The following PARD3 variants were observed in gnomAD, a reference collection of about 807,000 sequenced individuals.
The protein encoded by PARD3 is partitioning defective 3 homolog.
In PARD3, 75 loss-of-function variants were observed where a neutral mutation model predicts 155.4. The observed-to-expected ratio is 0.48, with a 90% confidence interval of 0.40 to 0.58. The LOEUF is 0.58. Among genes scored for constraint, PARD3 ranks in the 20% least tolerant of loss-of-function variants. PARD3 has a pLI of 0.00. For missense variants in PARD3, 1,642 were observed against 1,721.7 expected, an observed-to-expected ratio of 0.95 and a Z score of 0.82; for synonymous variants, 576 against 610.5, an observed-to-expected ratio of 0.94 and a Z score of 0.83.
intron 22 of PARD3, among the ~76,000 whole-genome samples, chr10:34,138,649 G>A (rs1948025587): frequency 6.6e-6 from 1 of 152,162 alleles, no homozygotes; most frequent in African/African-American, 2.4e-5. Context: ...CAAGAGCTCA[G>A]GACTTAAAAG....
intron 3 of PARD3, among the ~76,000 whole-genome samples, chr10:34,499,216 C>A (rs921819087): frequency 6.6e-6 from 1 of 151,976 alleles, no homozygotes; most frequent in Non-Finnish European, 1.5e-5. Context: ...AGCAATAAAG[C>A]TTTGTTCTTA....
chr10:34,373,348 A>T (rs1840889187), intron 11 of PARD3, among the ~76,000 whole-genome samples: 1 of 152,016 alleles, frequency 6.6e-6, no homozygotes, highest in African/African-American at 2.4e-5. Flanking sequence ...AGCCTGGAAG[A>T]TCAAAATTGG....
intron 1 of PARD3, among the ~76,000 whole-genome samples, chr10:34,734,528 C>T (rs564656635): frequency 2.4e-4 from 37 of 151,756 alleles, no homozygotes; most frequent in African/African-American, 8.2e-4. Flanking sequence ...TTAGTAGAGA[C>T]GGGGTTTCAC....
At chr10:34,471,136 A>G (rs1354750787) in intron 3 of PARD3, among the ~76,000 whole-genome samples, 1 of 152,236 alleles carries the variant, frequency 6.6e-6, no homozygotes, top group Non-Finnish European at 1.5e-5. Flanking sequence ...ATTTATACTT[A>G]AGACAGAAAA....
intron 1 of PARD3, among the ~76,000 whole-genome samples, chr10:34,704,715 T>G (rs2094336886): frequency 6.6e-6 from 1 of 152,186 alleles, no homozygotes. Flanking sequence ...AGTAGTGCTA[T>G]CTGATCATGT....
intron 24 of PARD3, 29 bp from the exon 25 acceptor site, chr10:34,111,591 G>A (rs1438527517): frequency 6.4e-7 from 1 of 1,561,756 alleles, no homozygotes; most frequent in Non-Finnish European, 8.7e-7. Flanking sequence ...AGGTTAGTGT[G>A]AGGGTAGGAA....
At chr10:34,623,800 T>C (rs994516654) in intron 2 of PARD3, among the ~76,000 whole-genome samples, 1 of 149,688 alleles carries the variant, frequency 6.7e-6, no homozygotes, top group Non-Finnish European at 1.5e-5. Flanking sequence ...GCTAACACGG[T>C]GAAACCCTGA....
chr10:34,207,181 C>T (rs1232058368), intron 22 of PARD3, among the ~76,000 whole-genome samples: 4 of 152,212 alleles, frequency 2.6e-5, no homozygotes, highest in Non-Finnish European at 5.9e-5. Context: ...TCAAATACTT[C>T]CTCCTTTATC....
intron 6 of PARD3, among the ~76,000 whole-genome samples, chr10:34,401,221 A>G (rs550575165): frequency 1.3e-5 from 2 of 152,264 alleles, no homozygotes; most frequent in East Asian, 3.9e-4. Context: ...CCATTTACAC[A>G]TGTCAATATT....
At chr10:34,314,414 T>A (rs1957879886) in intron 20 of PARD3, among the ~76,000 whole-genome samples, 1 of 152,232 alleles carries the variant, frequency 6.6e-6, no homozygotes, top group Non-Finnish European at 1.5e-5. Context: ...TCGTGTTTAA[T>A]ATATTATTCT....
intron 5 of PARD3, 135 bp downstream of exon 5, chr10:34,450,182 G>C (rs2076982772): frequency 1.3e-6 from 1 of 752,340 alleles, no homozygotes; most frequent in African/African-American, 1.8e-5. Flanking sequence ...CTGACATAGA[G>C]ATTGGTACTT....
At chr10:34,470,480 G>A (rs2078278775) in intron 3 of PARD3, among the ~76,000 whole-genome samples, 1 of 152,176 alleles carries the variant, frequency 6.6e-6, no homozygotes, top group African/African-American at 2.4e-5. Flanking sequence ...GAGCAAAATG[G>A]CCCAGGTTTG....
chr10:34,203,906 G>A lies in PARD3; in HGVS notation c.3419+65751C>T, dbSNP rs1951337747. Among the ~76,000 whole-genome samples the A allele has an allele frequency of 2.0e-5, 3 of 152,242 alleles. No individual in the cohort carries two copies. In the South Asian group the frequency reaches 6.2e-4, roughly 32 times the overall value. On this transcript the variant is annotated intron_variant, in intron 22 of 24. Transcript: ENST00000374788. ...GACATTTTGTTCATGTGCAAGGGAA[G>A]TTTGGGAGATATCTAATGTCTTTCA...
chr10:34,627,410 T>C (rs1419047348), intron 2 of PARD3, among the ~76,000 whole-genome samples: 1 of 152,216 alleles, frequency 6.6e-6, no homozygotes, highest in Non-Finnish European at 1.5e-5. Flanking sequence ...TGTCAGAATG[T>C]GACCTTACTT....
intron 22 of PARD3, among the ~76,000 whole-genome samples, chr10:34,195,020 A>G (rs1242451098): frequency 6.6e-6 from 1 of 152,238 alleles, no homozygotes; most frequent in Non-Finnish European, 1.5e-5. Flanking sequence ...CTCAAGATAT[A>G]CCAACGTAAT....
At chr10:34,378,166 T>G in intron 9 of PARD3, 60 bp from the exon 10 acceptor site, 2 of 1,276,302 alleles carry the variant, frequency 1.6e-6, no homozygotes, top group East Asian at 5.2e-5. Flanking sequence ...TTTACAGGTG[T>G]ATTGCACCAG....
chr10:34,312,783 G>A (rs1412255096), intron 20 of PARD3, among the ~76,000 whole-genome samples: 1 of 152,094 alleles, frequency 6.6e-6, no homozygotes, highest in Non-Finnish European at 1.5e-5. Context: ...ATAAATCTGA[G>A]ACATGTACAA....
chr10:34,440,411 T>C (rs958298126), intron 5 of PARD3, among the ~76,000 whole-genome samples: 4 of 152,222 alleles, frequency 2.6e-5, no homozygotes, highest in African/African-American at 9.6e-5. Context: ...TCCATTGTCG[T>C]ATTTAATCAC....
intron 3 of PARD3, among the ~76,000 whole-genome samples, chr10:34,507,886 C>T (rs1016534562): frequency 6.6e-6 from 1 of 152,082 alleles, no homozygotes; most frequent in African/African-American, 2.4e-5. Flanking sequence ...CATTTGTATG[C>T]CATGCTCCAC....
Sources: allele counts gnomAD v4.1 joint callset (sites outside exome capture counted in the v4.1 genomes callset), GRCh38; gene constraint gnomAD v4.1.1; transcripts MANE v1.5; gene names NCBI Gene and HGNC (gene_info 2026-07-23, HGNC 2026-07-21).